Variants in PBLD observed in about 807,000 individuals in gnomAD.
The protein encoded by PBLD is phenazine biosynthesis-like domain-containing protein.
PBLD carries 26 observed loss-of-function variants against 31.3 expected under a neutral mutation model. The observed-to-expected ratio is 0.83, with a 90% CI of 0.61 to 1.15. The LOEUF is 1.15. Ranked by LOEUF, PBLD falls within the 50% of genes most tolerant of loss-of-function variation. The pLI is 0.00. For missense variants in PBLD, 307 were observed against 351.7 expected (o/e 0.87, Z 1.02); for synonymous variants, 114 against 129.0 (o/e 0.88, Z 0.79).
At chr10:68,319,820 T>G (rs962005961) in intron 1 of PBLD, among the ~76,000 whole-genome samples, 1 of 139,874 alleles carries the variant, frequency 7.1e-6, no homozygotes, top group African/African-American at 2.8e-5. Context: ...TTATTTATTT[T>G]TATTTATTTA....
chr10:68,332,228 A>C (rs1453347737), intron 1 of PBLD: 1 of 152,292 alleles, frequency 6.6e-6, no homozygotes, highest in Non-Finnish European at 1.5e-5. Flanking sequence ...TATCTGAAGT[A>C]AAAGGGGGTA....
At chr10:68,325,622 A>C (rs2044907685) in intron 1 of PBLD, among the ~76,000 whole-genome samples, 1 of 152,222 alleles carries the variant, frequency 6.6e-6, no homozygotes, top group African/African-American at 2.4e-5. Context: ...TTAAAAGCCA[A>C]GCTCCATAGG....
chr10:68,317,712 C>T (rs1280844111), intron 1 of PBLD, among the ~76,000 whole-genome samples: 1 of 151,908 alleles, frequency 6.6e-6, no homozygotes, highest in East Asian at 1.9e-4. Flanking sequence ...GCACGAGAAT[C>T]GGTTGAGCCC....
At chr10:68,319,103 GA>G (rs1564737543) in intron 1 of PBLD, among the ~76,000 whole-genome samples, 1 of 121,586 alleles carries the variant, frequency 8.2e-6, no homozygotes, top group Non-Finnish European at 1.7e-5. Context: ...AAGAAAGAAA[GA>G]AAGAAAGGAA....
intron 1 of PBLD, among the ~76,000 whole-genome samples, chr10:68,313,888 C>T (rs548472756): frequency 3.3e-5 from 5 of 152,274 alleles, no homozygotes; most frequent in African/African-American, 1.2e-4. Context: ...GTTCTTTCTG[C>T]TGCTCTGTTA....
chr10:68,331,370 G>A (rs1281814527), intron 1 of PBLD: 1 of 152,282 alleles, frequency 6.6e-6, no homozygotes, highest in Non-Finnish European at 1.5e-5. Flanking sequence ...AAGGCCAGAG[G>A]AGAAAAAGAG....
chr10:68,329,537 G>A (rs2044978563), intron 1 of PBLD, among the ~76,000 whole-genome samples: 1 of 152,184 alleles, frequency 6.6e-6, no homozygotes, highest in African/African-American at 2.4e-5. Context: ...CATGTAACTT[G>A]AACCCAGGAG....
rs2044251525 is a variant in PBLD at position 68,283,412 on chromosome 10, C to T, written c.*765G>A. 1.3e-5 allele frequency: 2 copies of T among 152,166 alleles called. No homozygotes were observed. The highest frequency in any genetic ancestry group is 6.6e-5 in the Admixed American group (1 of 15,260). 9.4% of individuals were successfully genotyped at this position (152,166 alleles called of 1,614,324 possible). A position where few individuals can be genotyped will look rare whatever the true frequency, so the allele number is the denominator to read the frequency against. On this transcript the variant is annotated 3_prime_UTR_variant, in exon 10 of 10. Coordinates refer to ENST00000358769, the MANE Select transcript of PBLD (RefSeq NM_022129.4). Reference sequence around the variant, plus strand: ...AATGGCCCATGCTTATTTATATAGACATAGCATAACACTGCTAACACTTTA... The same window carrying T: ...AATGGCCCATGCTTATTTATATAGATATAGCATAACACTGCTAACACTTTA...
At chr10:68,328,068 T>C (rs2044951936) in intron 1 of PBLD, among the ~76,000 whole-genome samples, 1 of 152,224 alleles carries the variant, frequency 6.6e-6, no homozygotes, top group Non-Finnish European at 1.5e-5. Context: ...AATTCAGTCT[T>C]GTCTTGAGAA....
intron 8 of PBLD, among the ~76,000 whole-genome samples, chr10:68,286,333 C>G (rs951712192): frequency 6.6e-6 from 1 of 152,006 alleles, no homozygotes; most frequent in Non-Finnish European, 1.5e-5. Context: ...AGTGATGCAC[C>G]CATTTCAGCC....
intron 1 of PBLD, among the ~76,000 whole-genome samples, chr10:68,311,565 G>T (rs1483406621): frequency 6.6e-6 from 1 of 151,424 alleles, no homozygotes; most frequent in East Asian, 1.9e-4. Context: ...CAGCCTGGGT[G>T]ACAGAGTGAG....
intron 6 of PBLD, among the ~76,000 whole-genome samples, chr10:68,289,875 C>T (rs1000666591): frequency 2.6e-5 from 4 of 152,114 alleles, no homozygotes; most frequent in Non-Finnish European, 4.4e-5. Flanking sequence ...TCAGGGCTAG[C>T]AGCTTGATTG....
intron 1 of PBLD, among the ~76,000 whole-genome samples, chr10:68,332,574 C>T (rs1314501621): frequency 1.3e-5 from 2 of 152,202 alleles, no homozygotes; most frequent in Non-Finnish European, 2.9e-5. Flanking sequence ...TGTTCCCCAG[C>T]TTCCGAAAAC....
chr10:68,297,035 T>C, intron 2 of PBLD, 50 bp from the exon 3 acceptor site: 1 of 1,403,552 alleles, frequency 7.1e-7, no homozygotes, highest in Non-Finnish European at 1.0e-6. Flanking sequence ...CAGATCAGAC[T>C]TCCTTTGGAC....
At chr10:68,308,796 T>A (rs1405931998) in intron 1 of PBLD, among the ~76,000 whole-genome samples, 2 of 147,978 alleles carry the variant, frequency 1.4e-5, no homozygotes, top group African/African-American at 5.0e-5. Flanking sequence ...CACCTAGGCC[T>A]CCCAAAGAGC....
chr10:68,325,245 G>A (rs939913890), intron 1 of PBLD, among the ~76,000 whole-genome samples: 1 of 151,562 alleles, frequency 6.6e-6, no homozygotes, highest in Non-Finnish European at 1.5e-5. Flanking sequence ...CTCCGTCTCA[G>A]GGAAAACAAC....
At chr10:68,303,458 C>G (rs1213687858) in intron 2 of PBLD, among the ~76,000 whole-genome samples, 1 of 148,304 alleles carries the variant, frequency 6.7e-6, no homozygotes, top group Non-Finnish European at 1.5e-5. Context: ...TTGTTTTCAC[C>G]TAATGTATAG....
At chr10:68,299,014 G>A (rs779352720) in intron 2 of PBLD, among the ~76,000 whole-genome samples, 3 of 151,142 alleles carry the variant, frequency 2.0e-5, no homozygotes, top group Non-Finnish European at 4.4e-5. Context: ...AACTGAGGCA[G>A]GCGAGTTGCT....
At chr10:68,291,683 C>T (rs550085443) in intron 6 of PBLD, among the ~76,000 whole-genome samples, 2 of 152,312 alleles carry the variant, frequency 1.3e-5, no homozygotes, top group East Asian at 3.9e-4. Context: ...TCCCTAAAGG[C>T]TGGTCTCCTC....
Sources: allele counts gnomAD v4.1 joint callset (sites outside exome capture counted in the v4.1 genomes callset), GRCh38; gene constraint gnomAD v4.1.1; transcripts MANE v1.5; gene names NCBI Gene and HGNC (gene_info 2026-07-23, HGNC 2026-07-21).